The following AKAP6 variants were observed in gnomAD, a reference collection of about 807,000 sequenced individuals.
The protein encoded by AKAP6 is A-kinase anchor protein 6.
In AKAP6, 58 loss-of-function variants were observed where a neutral mutation model predicts 188.5. The observed-to-expected ratio is 0.31, with a 90% CI of 0.25 to 0.38. The LOEUF (loss-of-function observed/expected upper bound fraction) is 0.38, where lower values mean the gene tolerates loss of function less well. Among genes scored for constraint, AKAP6 ranks in the 10% least tolerant of loss-of-function variants. AKAP6 has a pLI of 1.00. For missense variants in AKAP6, 2,710 were observed against 2,740.0 expected (o/e 0.99, Z 0.24); for synonymous variants, 989 against 998.6 (o/e 0.99, Z 0.18).
At chr14:32,335,438 C>T (rs768816908) in intron 1 of AKAP6, among the ~76,000 whole-genome samples, 1 of 152,144 alleles carries the variant, frequency 6.6e-6, no homozygotes, top group Non-Finnish European at 1.5e-5. Flanking sequence ...CCCACTTCCT[C>T]CTACTCTGGA....
In AKAP6 at chr14:32,545,957, C is replaced by T; in HGVS notation, c.1304C>T (p.Ser435Phe). 6.2e-7 allele frequency: 1 copy of T among 1,614,170 alleles called. No individual in the cohort carries two copies. The highest frequency in any genetic ancestry group is 8.5e-7 in the Non-Finnish European group (1 of 1,180,026). The change falls in exon 4 of 14, where the codon TCC (serine) becomes TTC (phenylalanine). Residue 435 changes from serine (S) to phenylalanine (F), a missense_variant. By Grantham distance (155) the Ser-to-Phe change is radical. Transcript: ENST00000280979. ...TCGCTAGTAGATCCTCCTGACAGATCCAAACTTTGCCTGGTATTGCAGTCT... is the reference window on the plus strand; with the variant it reads ...TCGCTAGTAGATCCTCCTGACAGATTCAAACTTTGCCTGGTATTGCAGTCT... ...TPSLVDPPDRSKLCLVLQSSY... is the reference protein window; with the variant it reads ...TPSLVDPPDRFKLCLVLQSSY...
rs1040985195 is a variant in AKAP6, at chr14:32,667,017, A to G, written c.2731-11294A>G. Among the ~76,000 whole-genome samples the G allele has an allele frequency of 2.6e-5, 4 of 152,080 alleles. No individual in the cohort carries two copies. In the South Asian group the frequency reaches 6.2e-4, roughly 24 times the overall value. ...CTTTTTATTGTGATGTCTTTCTGCTATATAAGCAGTCAGTTGATATTTTCT... is the reference window on the plus strand; with the variant it reads ...CTTTTTATTGTGATGTCTTTCTGCTGTATAAGCAGTCAGTTGATATTTTCT... On this transcript the variant is annotated intron_variant, in intron 7 of 13. Transcript: ENST00000280979.
chr14:32,475,328 A>G (rs60993482), intron 2 of AKAP6, among the ~76,000 whole-genome samples: 39,542 of 151,890 alleles, frequency 0.26, 5,527 homozygotes, highest in Middle Eastern at 0.3. Context: ...GGGCATCTCT[A>G]AAGCCTTCTG....
At chr14:32,350,121 A>G (rs918489665) in intron 1 of AKAP6, among the ~76,000 whole-genome samples, 1 of 152,162 alleles carries the variant, frequency 6.6e-6, no homozygotes, top group Non-Finnish European at 1.5e-5. Context: ...AGTTTAAGCC[A>G]CTCCTGAGGG....
At chr14:32,525,355 T>C (rs1219207022) in intron 2 of AKAP6, among the ~76,000 whole-genome samples, 4 of 152,218 alleles carry the variant, frequency 2.6e-5, no homozygotes, top group Non-Finnish European at 5.9e-5. Context: ...AACAATTTTA[T>C]GCAAAAAATT....
chr14:32,711,044 A>C (rs1891037088), intron 9 of AKAP6, among the ~76,000 whole-genome samples: 1 of 152,038 alleles, frequency 6.6e-6, no homozygotes, highest in Admixed American at 6.6e-5. Context: ...ATGTTCGCTA[A>C]TCCCTGGTAT....
intron 1 of AKAP6, among the ~76,000 whole-genome samples, chr14:32,414,152 G>A (rs989767507): frequency 6.6e-6 from 1 of 151,956 alleles, no homozygotes; most frequent in African/African-American, 2.4e-5. Context: ...GAGGTCAAAG[G>A]TTTCAGAGAC....
chr14:32,545,723 A>G lies in AKAP6; in HGVS notation c.1070A>G (p.Lys357Arg). 3 of 1,614,182 alleles carry G rather than the reference A, an allele frequency of 1.9e-6. No homozygotes were observed. Among genetic ancestry groups the G allele is most frequent in the Non-Finnish European group, 2.5e-6 (3 of 1,180,024 alleles). The change falls in exon 4 of 14, where the codon AAG becomes AGG. Residue 357 changes from lysine to arginine, a missense_variant. Around this residue, in one of 2 missense-constraint regions of AKAP6, gnomAD observed 2,473 missense variants for 2,426.1 expected, o/e 1.02. Coordinates refer to ENST00000280979, the MANE Select transcript of AKAP6 (RefSeq NM_004274.5). ...AGTTCCTCCTCCCATCATGATGCAA[A>G]GAATCAGCAGCCTGTTCCTTGTGAA... ...ESSSSSHHDAKNQQPVPCENA... is the reference protein window; with the variant it reads ...ESSSSSHHDARNQQPVPCENA...
chr14:32,569,655 C>A (rs9322905), intron 4 of AKAP6, among the ~76,000 whole-genome samples: 131 of 152,024 alleles, frequency 8.6e-4, no homozygotes, highest in Admixed American at 2.7e-3. Flanking sequence ...CGAATTATGC[C>A]CAAAAACGGA....
chr14:32,774,485 A>G (rs931570763), intron 12 of AKAP6, among the ~76,000 whole-genome samples: 1 of 152,194 alleles, frequency 6.6e-6, no homozygotes, highest in African/African-American at 2.4e-5. Context: ...GTTTTAATGC[A>G]GTGCTCAAGG....
chr14:32,654,456 A>G (rs1330075089), intron 7 of AKAP6, among the ~76,000 whole-genome samples: 1 of 152,190 alleles, frequency 6.6e-6, no homozygotes, highest in African/African-American at 2.4e-5. Context: ...CAACAAACCA[A>G]TTAAATCAAA....
chr14:32,799,542 A>T (rs2033874731), intron 12 of AKAP6, among the ~76,000 whole-genome samples: 1 of 152,022 alleles, frequency 6.6e-6, no homozygotes, highest in Non-Finnish European at 1.5e-5. Context: ...AATATTTTAA[A>T]TTTTTTATTG....
intron 8 of AKAP6, 111 bp from the exon 9 acceptor site, chr14:32,695,879 T>A: frequency 7.6e-7 from 1 of 1,320,174 alleles, no homozygotes; most frequent in Non-Finnish European, 1.0e-6. Flanking sequence ...TCTTCTCTTA[T>A]TGTAGATAAC....
At chr14:32,555,144 A>G (rs1883634531) in intron 4 of AKAP6, among the ~76,000 whole-genome samples, 1 of 152,226 alleles carries the variant, frequency 6.6e-6, no homozygotes, top group Non-Finnish European at 1.5e-5. Flanking sequence ...TCATGGCAGC[A>G]AATATTTAGC....
chr14:32,482,224 TA>T (rs1879389160), intron 2 of AKAP6, among the ~76,000 whole-genome samples: 1 of 152,194 alleles, frequency 6.6e-6, no homozygotes, highest in African/African-American at 2.4e-5. Context: ...TATCTGAGAA[TA>T]AAAGCCTGAA....
In AKAP6 at chr14:32,546,701, C is replaced by T; in HGVS notation, c.2048C>T (p.Thr683Ile). 6.2e-7 allele frequency: 1 copy of T among 1,614,098 alleles called. No individual in the cohort carries two copies. Among genetic ancestry groups the T allele is most frequent in the Non-Finnish European group, 8.5e-7 (1 of 1,180,014 alleles). The change falls in exon 4 of 14, where the codon ACC becomes ATC. Residue 683 changes from threonine to isoleucine, a missense_variant. Transcript: ENST00000280979. ...AATTCAGATTCTGAAATCTATCCAA[C>T]CTATCATGTCAAAAAGAAGCATACA... ...EMNSDSEIYP[T>I]YHVKKKHTRL... is the part of the protein sequence containing the mutation.
chr14:32,751,212 T>C (rs1294923591), intron 11 of AKAP6, among the ~76,000 whole-genome samples: 2 of 152,174 alleles, frequency 1.3e-5, no homozygotes, highest in East Asian at 3.8e-4. Context: ...TAGTACTGGC[T>C]ATTGGATCAT....
At chr14:32,418,325 T>TA (rs1393379437) in intron 1 of AKAP6, among the ~76,000 whole-genome samples, 1 of 152,180 alleles carries the variant, frequency 6.6e-6, no homozygotes. Flanking sequence ...GCTGGGATGT[T>TA]AAAGTTTTAT....
chr14:32,541,937 A>C (rs1278071248), intron 3 of AKAP6, among the ~76,000 whole-genome samples: 1 of 152,206 alleles, frequency 6.6e-6, no homozygotes, highest in East Asian at 1.9e-4. Context: ...GTGCAGTATA[A>C]TTTAGTGTTA....
Sources: gnomAD v4.1 joint callset for allele counts (sites outside exome capture counted in the v4.1 genomes callset) on GRCh38, gnomAD v4.1.1 for gene constraint, gnomAD v4.1.1 regional missense constraint, MANE v1.5 for transcripts, NCBI Gene and HGNC (gene_info 2026-07-23, HGNC 2026-07-21) for gene names.